Variants in PIK3C2A observed in about 807,000 individuals in gnomAD.
The protein encoded by PIK3C2A is phosphatidylinositol-4-phosphate 3-kinase catalytic subunit type 2 alpha, also known as phosphatidylinositol 4-phosphate 3-kinase C2 domain-containing subunit alpha.
A neutral mutation model predicts 204.5 loss-of-function variants in PIK3C2A; 97 were observed. The observed-to-expected ratio is 0.47, with a 90% CI of 0.40 to 0.56. PIK3C2A has a LOEUF of 0.56. Ranked by LOEUF, PIK3C2A falls within the 20% of genes least tolerant of loss-of-function variation. The probability of loss-of-function intolerance (pLI) is 0.00; values close to 1 mark genes in which losing one functional copy is unlikely to be tolerated. For synonymous variants in PIK3C2A, 653 were observed against 664.4 expected (o/e 0.98, Z 0.26); for missense variants, 1,735 against 1,969.2 (o/e 0.88, Z 2.25).
intron 4 of PIK3C2A, among the ~76,000 whole-genome samples, chr11:17,150,170 C>T (rs1188879371): frequency 6.6e-6 from 1 of 152,172 alleles, no homozygotes; most frequent in Non-Finnish European, 1.5e-5. Flanking sequence ...ATTTCAATTT[C>T]ACTGACAGCT....
chr11:17,122,679 T>C (rs867675536), intron 14 of PIK3C2A, 23 bp downstream of exon 14: 5 of 1,013,154 alleles, frequency 4.9e-6, no homozygotes, highest in Middle Eastern at 2.0e-4. Flanking sequence ...TACACCTCTC[T>C]ACATGTCAAG....
chr11:17,133,566 A>C (rs1052431411), intron 11 of PIK3C2A, among the ~76,000 whole-genome samples: 1 of 152,192 alleles, frequency 6.6e-6, no homozygotes, highest in African/African-American at 2.4e-5. Flanking sequence ...TATAGCATTA[A>C]GCTACTATAA....
At chr11:17,100,479 C>G (rs1292559455) in intron 25 of PIK3C2A, among the ~76,000 whole-genome samples, 1 of 152,142 alleles carries the variant, frequency 6.6e-6, no homozygotes, top group African/African-American at 2.4e-5. Context: ...GCCTTAGCCT[C>G]CCAAAGTGCT....
At position 17,178,723 on chromosome 11, in the gene PIK3C2A, T is replaced by A. The variant is rs1363587997; in HGVS notation, c.-65-8917A>T. Among the ~76,000 whole-genome samples the A allele has an allele frequency of 2.9e-5, 4 of 136,516 alleles. 1 individual carries two copies. The highest frequency in any genetic ancestry group is 8.2e-5 in the African/African-American group (3 of 36,716). The allele number at this position is 136,516 out of a possible 152,430, so 89.6% of individuals were successfully genotyped here. On this transcript the variant is annotated intron_variant, in intron 1 of 32. Coordinates refer to ENST00000691414, the MANE Select transcript of PIK3C2A (RefSeq NM_002645.4). Reference sequence around the variant, plus strand: ...CTGGTTGATTTTTGAATTTTTTTTTTTTTTTTTTTTTTTTTTTGAGACGGA... The same window carrying A: ...CTGGTTGATTTTTGAATTTTTTTTTATTTTTTTTTTTTTTTTTGAGACGGA...
intron 15 of PIK3C2A, among the ~76,000 whole-genome samples, chr11:17,120,457 GTGAA>G (rs1264804042): frequency 6.6e-6 from 1 of 151,696 alleles, no homozygotes; most frequent in African/African-American, 2.4e-5. Context: ...AAATGTTTAC[GTGAA>G]TGAAATATTT....
chr11:17,181,677 C>CAA, intron 1 of PIK3C2A, among the ~76,000 whole-genome samples: 1 of 127,138 alleles, frequency 7.9e-6, no homozygotes, highest in Non-Finnish European at 1.7e-5. Context: ...CACACACACA[C>CAA]ACACACACAC....
At chr11:17,170,763 A>G (rs552161790) in intron 1 of PIK3C2A, among the ~76,000 whole-genome samples, 20 of 152,284 alleles carry the variant, frequency 1.3e-4, no homozygotes, top group African/African-American at 4.3e-4. Context: ...TCAATATGAT[A>G]AAAGGGTTAA....
intron 6 of PIK3C2A, among the ~76,000 whole-genome samples, chr11:17,147,159 G>T (rs1850269418): frequency 6.6e-6 from 1 of 151,994 alleles, no homozygotes; most frequent in Non-Finnish European, 1.5e-5. Flanking sequence ...TTGGTACAAA[G>T]GTCAGTGTGG....
chr11:17,142,692 C>T (rs1381115236), intron 8 of PIK3C2A, among the ~76,000 whole-genome samples: 1 of 151,896 alleles, frequency 6.6e-6, no homozygotes, highest in Non-Finnish European at 1.5e-5. Flanking sequence ...TGCACTCCAG[C>T]TTGGGTGACA....
intron 1 of PIK3C2A, among the ~76,000 whole-genome samples, chr11:17,200,608 G>A (rs924127215): frequency 6.6e-6 from 1 of 152,134 alleles, no homozygotes; most frequent in Non-Finnish European, 1.5e-5. Flanking sequence ...GGGCTGAAGG[G>A]ATTTACTTCA....
At chr11:17,112,069 A>T (rs1849021275) in intron 21 of PIK3C2A, among the ~76,000 whole-genome samples, 2 of 152,138 alleles carry the variant, frequency 1.3e-5, no homozygotes, top group South Asian at 4.1e-4. Context: ...AGTAGAAGCA[A>T]TCTTTATGAA....
Position 17,110,574 on chromosome 11 carries a change from G to C in PIK3C2A, c.3415-13C>G. ...GATCTTCACCAACCTTGAAATCAAGGAAACAAAATGAAACTTGTACATCTC... is the reference window on the plus strand; with the variant it reads ...GATCTTCACCAACCTTGAAATCAAGCAAACAAAATGAAACTTGTACATCTC... On this transcript the variant is annotated splice_polypyrimidine_tract_variant and intron_variant, in intron 21 of 32. Coordinates refer to ENST00000691414, the MANE Select transcript of PIK3C2A (RefSeq NM_002645.4). The C allele has an allele frequency of 6.3e-7, 1 of 1,598,150 alleles. No individual in the cohort carries two copies. The highest frequency in any genetic ancestry group is 8.5e-7 in the Non-Finnish European group (1 of 1,173,078).
chr11:17,143,573 A>C (rs1242337618), intron 8 of PIK3C2A, among the ~76,000 whole-genome samples: 2 of 151,184 alleles, frequency 1.3e-5, no homozygotes, highest in African/African-American at 4.9e-5. Context: ...TGTTCCAACT[A>C]CTCAACTCTA....
chr11:17,094,829 A>G (rs1848406780), intron 27 of PIK3C2A, among the ~76,000 whole-genome samples: 1 of 152,242 alleles, frequency 6.6e-6, no homozygotes, highest in African/African-American at 2.4e-5. Context: ...ATGCAGTTCA[A>G]GTACTTTTAT....
intron 4 of PIK3C2A, among the ~76,000 whole-genome samples, chr11:17,149,990 T>C (rs61879715): frequency 0.12 from 17,697 of 152,052 alleles, 1,270 homozygotes; most frequent in Middle Eastern, 0.24. Flanking sequence ...TATTATGAAA[T>C]GCAATAAACT....
intron 1 of PIK3C2A, among the ~76,000 whole-genome samples, chr11:17,205,473 C>CA (rs755518412): frequency 0.032 from 800 of 25,198 alleles, 90 homozygotes; most frequent in Non-Finnish European, 0.057. Flanking sequence ...GACTCCATCT[C>CA]AAAAAAAAAA....
chr11:17,193,427 A>G (rs1017733697), intron 1 of PIK3C2A: 72 of 311,186 alleles, frequency 2.3e-4, no homozygotes, highest in African/African-American at 1.6e-3. Context: ...ATTCAACTTA[A>G]AAATTGCTGA....
At chr11:17,104,411 AC>A (rs1458085877) in intron 23 of PIK3C2A, among the ~76,000 whole-genome samples, 9 of 152,322 alleles carry the variant, frequency 5.9e-5, no homozygotes, top group African/African-American at 2.2e-4. Flanking sequence ...AGCAGAGGTC[AC>A]TGAGGCACAA....
At chr11:17,183,207 C>T (rs941695726) in intron 1 of PIK3C2A, among the ~76,000 whole-genome samples, 3 of 152,216 alleles carry the variant, frequency 2.0e-5, no homozygotes, top group African/African-American at 7.2e-5. Flanking sequence ...CCCTTATCCA[C>T]AGTTTCTCTT....
Sources: allele counts gnomAD v4.1 joint callset (sites outside exome capture counted in the v4.1 genomes callset), GRCh38; gene constraint gnomAD v4.1.1; transcripts MANE v1.5; gene names NCBI Gene and HGNC (gene_info 2026-07-23, HGNC 2026-07-21).